SYNE1: variants seen among roughly 807,000 people sequenced by gnomAD.
The protein encoded by SYNE1 is spectrin repeat containing nuclear envelope protein 1, also known as nesprin-1.
In SYNE1, 616 loss-of-function variants were observed where a neutral mutation model predicts 1,111.0. The observed-to-expected ratio is 0.55, with a 90% CI of 0.52 to 0.59. The LOEUF is 0.59. SYNE1 is among the 20% of genes least tolerant of loss of function. The pLI is 0.00. For synonymous variants in SYNE1, 3,855 were observed against 3,825.8 expected (o/e 1.01, Z -0.28); for missense variants, 10,006 against 10,417.0 (o/e 0.96, Z 1.72).
chr6:152,470,756 G>C (rs561568644), intron 16 of SYNE1, among the ~76,000 whole-genome samples: 53 of 152,204 alleles, frequency 3.5e-4, no homozygotes, highest in African/African-American at 1.2e-3. Flanking sequence ...TATTTTAAAA[G>C]ATCATTGATT....
chr6:152,186,099 T>C (rs77672987), intron 128 of SYNE1, among the ~76,000 whole-genome samples: 9,530 of 152,166 alleles, frequency 0.063, 468 homozygotes, highest in African/African-American at 0.14. Context: ...CTCATATTCT[T>C]GGAATGAGGT....
intron 12 of SYNE1, among the ~76,000 whole-genome samples, chr6:152,486,246 CA>C (rs1164828605): frequency 2.0e-5 from 3 of 151,068 alleles, no homozygotes; most frequent in Non-Finnish European, 4.4e-5. Context: ...TAAAAAAAAA[CA>C]AAACATCAAA....
intron 128 of SYNE1, chr6:152,185,551 A>T (rs1419307922): frequency 6.6e-6 from 1 of 152,252 alleles, no homozygotes; most frequent in African/African-American, 2.4e-5. Flanking sequence ...ACCCATGACT[A>T]AACTCTCATT....
intron 71 of SYNE1, 71 bp from the exon 72 acceptor site, chr6:152,350,406 A>G: frequency 6.2e-7 from 1 of 1,605,630 alleles, no homozygotes; most frequent in Non-Finnish European, 8.5e-7. Context: ...TTGTATTACA[A>G]AAACCCAGTG....
At chr6:152,304,421 A>G (rs1044850161) in intron 91 of SYNE1, among the ~76,000 whole-genome samples, 1 of 152,126 alleles carries the variant, frequency 6.6e-6, no homozygotes, top group Non-Finnish European at 1.5e-5. Context: ...TGCAACCTCC[A>G]TCTCCGGGGT....
intron 58 of SYNE1, among the ~76,000 whole-genome samples, chr6:152,373,981 C>A (rs1049596739): frequency 6.6e-6 from 1 of 152,176 alleles, no homozygotes; most frequent in Non-Finnish European, 1.5e-5. Flanking sequence ...ATAATCTGCT[C>A]AGCAGAAGCA....
At chr6:152,122,865 C>G (rs1260085552) in intron 145 of SYNE1, among the ~76,000 whole-genome samples, 189 bp from the exon 146 acceptor site, 1 of 152,146 alleles carries the variant, frequency 6.6e-6, no homozygotes, top group Non-Finnish European at 1.5e-5. Context: ...GGAAACTGCA[C>G]TGACAAGAAA....
At chr6:152,209,570 C>T (rs148699405) in intron 124 of SYNE1, among the ~76,000 whole-genome samples, 1,700 of 151,842 alleles carry the variant, frequency 0.011, 38 homozygotes, top group African/African-American at 0.038. Context: ...GCCAACATGG[C>T]GAAATCCCAT....
At chr6:152,236,985 C>G (rs371866595) in intron 108 of SYNE1, 37 bp from the exon 109 acceptor site, 6 of 1,610,860 alleles carry the variant, frequency 3.7e-6, no homozygotes, top group Admixed American at 1.7e-5. Context: ...CTAAAAAAAC[C>G]CTCATTAGCG....
intron 142 of SYNE1, 149 bp downstream of exon 142, chr6:152,134,955 C>T (rs938918718): frequency 1.3e-5 from 13 of 978,236 alleles, no homozygotes; most frequent in Non-Finnish European, 9.2e-6. Flanking sequence ...GATTGGAAAC[C>T]ACAGGGAGTT....
chr6:152,466,983 G>A (rs544355687), intron 16 of SYNE1, among the ~76,000 whole-genome samples: 20 of 152,196 alleles, frequency 1.3e-4, no homozygotes, highest in African/African-American at 4.8e-4. Context: ...GCTGATGAAT[G>A]CTTAATATAG....
In SYNE1 at chr6:152,350,724, A is replaced by C. The variant is rs372944688; in HGVS notation, c.11627T>G (p.Val3876Gly). The change falls in exon 71 of 146, where the codon GTG (valine) becomes GGG (glycine). Residue 3876 changes from valine (V) to glycine (G), a missense_variant. Physicochemically the swap from Val to Gly is moderately radical, Grantham distance 109. Around this residue, in one of 7 missense-constraint regions of SYNE1, gnomAD observed 4,955 missense variants for 5,017.2 expected, o/e 0.99. Transcript: ENST00000367255. ...VLSHEPSVKS[V>G]REKGEALLEL... Reference sequence around the variant, plus strand: ...CAAAAGAGCTTCACCCTTCTCTCTCACTGACTTTACTGATGGTTCATGGGA... The same window carrying C: ...CAAAAGAGCTTCACCCTTCTCTCTCCCTGACTTTACTGATGGTTCATGGGA... 1 of 1,614,086 alleles carries C rather than the reference A, an allele frequency of 6.2e-7. No individual in the cohort carries two copies. The highest frequency in any genetic ancestry group is 8.5e-7 in the Non-Finnish European group (1 of 1,180,026).
chr6:152,292,391 C>T (rs2094647886), intron 95 of SYNE1, among the ~76,000 whole-genome samples: 1 of 152,118 alleles, frequency 6.6e-6, no homozygotes, highest in South Asian at 2.1e-4. Flanking sequence ...GAAAGACCTA[C>T]AGAAGGTAGT....
Position 152,247,727 on chromosome 6 carries a change from T to TTATATATATA in SYNE1, c.19572+1424_19572+1433dup, listed in dbSNP as rs1183787546. Among the ~76,000 whole-genome samples, 115 of 117,744 alleles carry TTATATATATA rather than the reference T, an allele frequency of 9.8e-4. 2 individuals are homozygous for TTATATATATA. Among genetic ancestry groups the TTATATATATA allele is most frequent in the South Asian group, 5.8e-3 (20 of 3,464 alleles). 77.2% of individuals were successfully genotyped at this position (117,744 alleles called of 152,430 possible). A position where few individuals can be genotyped will look rare whatever the true frequency, so the allele number is the denominator to read the frequency against. Reference sequence around the variant, plus strand: ...TCCATATTAAAATATATATTTTTTATTATATATATATATATATATATATAC... The same window carrying TTATATATATA: ...TCCATATTAAAATATATATTTTTTATTATATATATATATATATATATATATATATATATAC... On this transcript the variant is annotated intron_variant, in intron 105 of 145. Transcript: ENST00000367255.
At chr6:152,374,169 T>A (rs2097239163) in intron 58 of SYNE1, among the ~76,000 whole-genome samples, 1 of 152,156 alleles carries the variant, frequency 6.6e-6, no homozygotes, top group Non-Finnish European at 1.5e-5. Context: ...CAAAGTGTAG[T>A]TTAATAAAGT....
At chr6:152,548,101 C>T (rs1286376542) in intron 3 of SYNE1, among the ~76,000 whole-genome samples, 4 of 152,210 alleles carry the variant, frequency 2.6e-5, no homozygotes, top group African/African-American at 7.2e-5. Context: ...GACAAACCAG[C>T]TTCTAAGAAT....
chr6:152,616,096 T>A lies in SYNE1; in HGVS notation c.67+12169A>T, dbSNP rs186951817. 5.1e-4 allele frequency among the ~76,000 whole-genome samples: 77 copies of A among 152,284 alleles called. 1 individual carries two copies. Among genetic ancestry groups the A allele is most frequent in the Non-Finnish European group, 1.5e-5 (1 of 68,028 alleles). On this transcript the variant is annotated intron_variant, in intron 3 of 145. Transcript: ENST00000367255. Reference sequence around the variant, plus strand: ...GTGGGAAACTTGATATTGAAATAATTAATATTCAAAATGATCTTTCCTTGT... The same window carrying A: ...GTGGGAAACTTGATATTGAAATAATAAATATTCAAAATGATCTTTCCTTGT...
Position 152,376,572 on chromosome 6 carries a change from G to A in SYNE1, c.9147-14C>T, listed in dbSNP as rs2097285015. On this transcript the variant is annotated splice_polypyrimidine_tract_variant and intron_variant, in intron 57 of 145. Coordinates refer to ENST00000367255, the MANE Select transcript of SYNE1 (RefSeq NM_182961.4). ...TGCAAACAAAGACTGAAAAGGTGAC[G>A]CAAAAATTTAATGGCAGGAAAAAGC... 1.2e-6 allele frequency: 2 copies of A among 1,612,990 alleles called. No homozygotes were observed. Among genetic ancestry groups the A allele is most frequent in the African/African-American group, 1.3e-5 (1 of 75,024 alleles).
At chr6:152,600,907 G>C (rs1390903368) in intron 3 of SYNE1, among the ~76,000 whole-genome samples, 1 of 152,194 alleles carries the variant, frequency 6.6e-6, no homozygotes, top group East Asian at 1.9e-4. Context: ...TGATATTTTA[G>C]TAAAGAACTA....
Sources: gnomAD v4.1 joint callset for allele counts (sites outside exome capture counted in the v4.1 genomes callset) on GRCh38, gnomAD v4.1.1 for gene constraint, gnomAD v4.1.1 regional missense constraint, MANE v1.5 for transcripts, NCBI Gene and HGNC (gene_info 2026-07-23, HGNC 2026-07-21) for gene names.